LIN52: variants seen among roughly 807,000 people sequenced by gnomAD.
LIN52 encodes the protein lin-52 DREAM MuvB core complex component.
LIN52 carries 4 observed loss-of-function variants against 18.5 expected under a neutral mutation model. The ratio of observed to expected loss-of-function variants is 0.22; its 90% CI spans 0.11 to 0.49. The LOEUF (loss-of-function observed/expected upper bound fraction) is 0.49, where lower values mean the gene tolerates loss of function less well. Ranked by LOEUF, LIN52 falls within the 20% of genes least tolerant of loss-of-function variation. The pLI is 0.97. For synonymous variants in LIN52, 34 were observed against 45.5 expected (o/e 0.75, Z 1.02); for missense variants, 102 against 139.5 (o/e 0.73, Z 1.35).
chr14:74,089,247 T>C (rs1266161457), intron 1 of LIN52, among the ~76,000 whole-genome samples: 1 of 152,152 alleles, frequency 6.6e-6, no homozygotes, highest in African/African-American at 2.4e-5. Context: ...AAAGAATGCA[T>C]GAAGGATGAC....
intron 5 of LIN52, among the ~76,000 whole-genome samples, chr14:74,111,138 A>G (rs1182556985): frequency 6.6e-6 from 1 of 152,196 alleles, no homozygotes; most frequent in Non-Finnish European, 1.5e-5. Context: ...AGCCTGTGGT[A>G]CTAGACTTCT....
chr14:74,180,459 ATG>A (rs2061313631), intron 5 of LIN52, among the ~76,000 whole-genome samples: 1 of 150,922 alleles, frequency 6.6e-6, no homozygotes, highest in Non-Finnish European at 1.5e-5. Flanking sequence ...TTTAGTAGAG[ATG>A]GGGTTTCACC....
intron 5 of LIN52, among the ~76,000 whole-genome samples, chr14:74,138,753 G>A (rs1201806173): frequency 4.4e-5 from 6 of 136,922 alleles, no homozygotes; most frequent in African/African-American, 1.7e-4. Context: ...CTGGGAGACA[G>A]AGTGAGACCC....
At chr14:74,094,457 C>T (rs916258302) in intron 2 of LIN52, among the ~76,000 whole-genome samples, 1 of 152,066 alleles carries the variant, frequency 6.6e-6, no homozygotes, top group Non-Finnish European at 1.5e-5. Context: ...CAAGATCTCA[C>T]TGTGTTGCCC....
At chr14:74,160,440 G>A (rs1191493197) in intron 5 of LIN52, among the ~76,000 whole-genome samples, 1 of 152,096 alleles carries the variant, frequency 6.6e-6, no homozygotes, top group Non-Finnish European at 1.5e-5. Flanking sequence ...GGTTGCTGCC[G>A]TTCTTAGCCT....
At chr14:74,168,593 A>G (rs900074750) in intron 5 of LIN52, among the ~76,000 whole-genome samples, 6 of 152,162 alleles carry the variant, frequency 3.9e-5, no homozygotes, top group African/African-American at 1.4e-4. Flanking sequence ...GTGTGAACCC[A>G]GGAGGCGGAG....
At chr14:74,168,279 C>T (rs2061257662) in intron 5 of LIN52, among the ~76,000 whole-genome samples, 1 of 152,160 alleles carries the variant, frequency 6.6e-6, no homozygotes. Flanking sequence ...TTTTTTTAAT[C>T]TTACAGTCCT....
At chr14:74,100,441 C>T (rs763000448) in intron 4 of LIN52, among the ~76,000 whole-genome samples, 1 of 152,112 alleles carries the variant, frequency 6.6e-6, no homozygotes, top group Non-Finnish European at 1.5e-5. Flanking sequence ...GCTGGGACTA[C>T]AGGCATACAC....
At chr14:74,135,612 C>T (rs1017001873) in intron 5 of LIN52, among the ~76,000 whole-genome samples, 10 of 152,250 alleles carry the variant, frequency 6.6e-5, no homozygotes, top group African/African-American at 2.4e-4. Context: ...GTTTGGCATC[C>T]TTCCAGAAGC....
intron 5 of LIN52, among the ~76,000 whole-genome samples, chr14:74,103,466 CTTG>C (rs2060874143): frequency 9.5e-6 from 1 of 105,282 alleles, no homozygotes; most frequent in Non-Finnish European, 1.8e-5. Context: ...GAGTTTTGCT[CTTG>C]TTGCCCAGGC....
chr14:74,101,943 A>G (rs2060859772), intron 5 of LIN52, among the ~76,000 whole-genome samples: 1 of 152,062 alleles, frequency 6.6e-6, no homozygotes, highest in Non-Finnish European at 1.5e-5. Context: ...TGGGTAATTA[A>G]AAAATTTTTT....
At chr14:74,111,224 T>C (rs1165700259) in intron 5 of LIN52, among the ~76,000 whole-genome samples, 2 of 152,218 alleles carry the variant, frequency 1.3e-5, no homozygotes. Context: ...GATAAAATTC[T>C]AAACAGTTCT....
chr14:74,171,677 G>C (rs1318118250), intron 5 of LIN52, among the ~76,000 whole-genome samples: 1 of 149,998 alleles, frequency 6.7e-6, no homozygotes, highest in Admixed American at 6.7e-5. Context: ...CCTAGAAATA[G>C]GAAAATGAAT....
In LIN52 at chr14:74,096,004, C is replaced by T. The variant is rs376316908; in HGVS notation, c.132+19C>T. The T allele has an allele frequency of 1.5e-5, 23 of 1,573,004 alleles. No homozygotes were observed. The highest frequency in any genetic ancestry group is 1.8e-5 in the Non-Finnish European group (21 of 1,151,980). ...CAAAAGTGTAAGTAATATCCCTTAC[C>T]TACTGAGGTCAATCCAAAGTTTCGC... On this transcript the variant is annotated intron_variant, in intron 3 of 5. Coordinates refer to ENST00000555028, the MANE Select transcript of LIN52 (RefSeq NM_001024674.3).
At chr14:74,086,167 G>A (rs2060729735) in intron 1 of LIN52, among the ~76,000 whole-genome samples, 2 of 151,962 alleles carry the variant, frequency 1.3e-5, no homozygotes, top group South Asian at 4.1e-4. Flanking sequence ...CCCCTTTTGC[G>A]CTAGATTGTA....
chr14:74,087,862 G>A (rs1238905533), intron 1 of LIN52, among the ~76,000 whole-genome samples: 2 of 152,182 alleles, frequency 1.3e-5, no homozygotes. Flanking sequence ...ATCCCAGACT[G>A]TGGTATCATA....
At position 74,152,560 on chromosome 14, in the gene LIN52, C is replaced by T. The variant is rs373338579; in HGVS notation, c.284-46362C>T. Among the ~76,000 whole-genome samples the T allele has an allele frequency of 1.2e-4, 19 of 152,104 alleles. No individual in the cohort carries two copies. In the South Asian group the frequency reaches 1.5e-3, roughly 12 times the overall value. Reference sequence around the variant, plus strand: ...GCAAAGGTCTGGACTAGCCCAAGAGCTGTGAATCAATCCAAGCCATCTGAC... The same window carrying T: ...GCAAAGGTCTGGACTAGCCCAAGAGTTGTGAATCAATCCAAGCCATCTGAC... On this transcript the variant is annotated intron_variant, in intron 5 of 5. Transcript: ENST00000555028.
At position 74,199,802 on chromosome 14, in the gene LIN52, TAGG is replaced by T. The variant is rs975466657; in HGVS notation, c.*828_*830del. On this transcript the variant is annotated 3_prime_UTR_variant, in exon 6 of 6. Coordinates refer to ENST00000555028, the MANE Select transcript of LIN52 (RefSeq NM_001024674.3). Reference sequence around the variant, plus strand: ...AAGACAAGAGAAACGGGATGGTTTATAGGAGTTCCCATTTGGTTGAAAGCTAGA... The same window carrying T: ...AAGACAAGAGAAACGGGATGGTTTATAGTTCCCATTTGGTTGAAAGCTAGA... 6.6e-6 allele frequency: 1 copy of T among 152,234 alleles called. No individual in the cohort carries two copies. The highest frequency in any genetic ancestry group is 6.5e-5 in the Admixed American group (1 of 15,284). 9.4% of individuals were successfully genotyped at this position (152,234 alleles called of 1,614,324 possible). A position where few individuals can be genotyped will look rare whatever the true frequency, so the allele number is the denominator to read the frequency against.
intron 5 of LIN52, among the ~76,000 whole-genome samples, chr14:74,131,287 A>T (rs2061065400): frequency 6.6e-6 from 1 of 150,648 alleles, no homozygotes; most frequent in Non-Finnish European, 1.5e-5. Flanking sequence ...AGATTGAGGG[A>T]TATCCAAGAA....
Sources: allele counts gnomAD v4.1 joint callset (sites outside exome capture counted in the v4.1 genomes callset), GRCh38; gene constraint gnomAD v4.1.1; transcripts MANE v1.5; gene names NCBI Gene and HGNC (gene_info 2026-07-23, HGNC 2026-07-21).